STPG2: variants seen among roughly 807,000 people sequenced by gnomAD.
STPG2 encodes sperm tail PG-rich repeat containing 2.
Under a neutral mutation model 54.2 loss-of-function variants are expected in STPG2, and 56 were observed. The ratio of observed to expected loss-of-function variants is 1.03; its 90% CI spans 0.83 to 1.29. The LOEUF (loss-of-function observed/expected upper bound fraction) is 1.29. Among genes scored for constraint, STPG2 ranks in the 50% most tolerant of loss-of-function variants. The pLI, the probability that STPG2 is intolerant of heterozygous loss-of-function variation, is 0.00. For synonymous variants in STPG2, 200 were observed against 181.8 expected, an observed-to-expected ratio of 1.10 and a Z score of -0.81; for missense variants, 596 against 544.9, an observed-to-expected ratio of 1.09 and a Z score of -0.93.
At chr4:97,624,427 G>A (rs1734088689) in intron 10 of STPG2, among the ~76,000 whole-genome samples, 1 of 152,032 alleles carries the variant, frequency 6.6e-6, no homozygotes, top group Admixed American at 6.6e-5. Flanking sequence ...GTCTTCTTTT[G>A]AGAAGTATCT....
intron 4 of STPG2, among the ~76,000 whole-genome samples, chr4:97,536,657 T>C (rs1731538747): frequency 6.6e-6 from 1 of 152,166 alleles, no homozygotes; most frequent in Admixed American, 6.5e-5. Flanking sequence ...TTCAGAGACA[T>C]GTTAGAAAGG....
intron 9 of STPG2, among the ~76,000 whole-genome samples, chr4:97,717,944 T>C (rs1393339860): frequency 6.6e-6 from 1 of 152,114 alleles, no homozygotes; most frequent in Admixed American, 6.6e-5. Context: ...CAAATTCTCA[T>C]AATTAAATTT....
At chr4:97,875,649 T>A (rs1454531034) in intron 8 of STPG2, among the ~76,000 whole-genome samples, 2 of 151,948 alleles carry the variant, frequency 1.3e-5, no homozygotes, top group African/African-American at 2.4e-5. Flanking sequence ...CATAGCAAGG[T>A]CATAACAGTG....
chr4:97,706,203 C>T (rs904993675), intron 10 of STPG2, among the ~76,000 whole-genome samples: 3 of 152,168 alleles, frequency 2.0e-5, no homozygotes, highest in East Asian at 1.9e-4. Flanking sequence ...AAGCAGATAA[C>T]GGAGGACTAG....
In STPG2 at chr4:97,843,175, GT is replaced by G. The variant is rs1297628839; in HGVS notation, c.1045-2244del. 6.5e-4 allele frequency among the ~76,000 whole-genome samples: 96 copies of G among 147,946 alleles called. 1 individual carries two copies. The highest frequency in any genetic ancestry group is 3.5e-3 in the Middle Eastern group (1 of 288). ...AGACATTTCTCATGGTTTTTTGGTG[GT>G]TTTTTTTTTCTCTTTTTGGCTTATT... On this transcript the variant is annotated intron_variant, in intron 8 of 10. Transcript: ENST00000295268.
In STPG2 at chr4:98,001,319, T is replaced by C. The variant is rs142768381; in HGVS notation, c.613-20001A>G. Among the ~76,000 whole-genome samples the C allele has an allele frequency of 5.9e-5, 9 of 151,874 alleles. No homozygotes were observed. In the East Asian group the frequency reaches 1.7e-3, roughly 29 times the overall value. The stretch of plus-strand genomic sequence containing the variant: ...GGTTTCCTGTAATTACTATACCCTA[T>C]GTGGTACACTATCTAGTAGCAGTCA... On this transcript the variant is annotated intron_variant, in intron 5 of 10. Coordinates refer to ENST00000295268, the MANE Select transcript of STPG2 (RefSeq NM_174952.3).
chr4:97,646,353 C>T (rs79447048), intron 10 of STPG2, among the ~76,000 whole-genome samples: 3,805 of 152,136 alleles, frequency 0.025, 79 homozygotes, highest in Middle Eastern at 0.034. Context: ...AGTCTTATTA[C>T]GGTTGCAAAG....
chr4:97,523,853 T>C (rs1319153755), intron 4 of STPG2, among the ~76,000 whole-genome samples: 1 of 150,738 alleles, frequency 6.6e-6, no homozygotes, highest in Admixed American at 6.6e-5. Flanking sequence ...GCCAAATAAA[T>C]ATCTATTATT....
At chr4:97,720,487 C>T (rs545504553) in intron 9 of STPG2, among the ~76,000 whole-genome samples, 7 of 152,038 alleles carry the variant, frequency 4.6e-5, no homozygotes, top group African/African-American at 1.4e-4. Flanking sequence ...CATTAGATGT[C>T]TCAGCACCTC....
chr4:98,044,318 T>C (rs550492911), intron 5 of STPG2, among the ~76,000 whole-genome samples: 1 of 152,296 alleles, frequency 6.6e-6, no homozygotes, highest in Non-Finnish European at 1.5e-5. Flanking sequence ...TTTAGCATCC[T>C]TTCATCTCAA....
intron 9 of STPG2, among the ~76,000 whole-genome samples, chr4:97,724,478 C>T (rs529671499): frequency 2.6e-4 from 40 of 152,148 alleles, no homozygotes; most frequent in African/African-American, 5.5e-4. Flanking sequence ...GTTATTTTTA[C>T]GGTGAGTTGT....
chr4:97,455,202 T>C (rs1041026742), intron 4 of STPG2, among the ~76,000 whole-genome samples: 1 of 152,040 alleles, frequency 6.6e-6, no homozygotes, highest in African/African-American at 2.4e-5. Context: ...GGCAATGACA[T>C]TGATACAGGA....
chr4:98,037,421 G>A (rs932087700), intron 5 of STPG2, among the ~76,000 whole-genome samples: 1 of 151,982 alleles, frequency 6.6e-6, no homozygotes, highest in Non-Finnish European at 1.5e-5. Context: ...ACACACTAAT[G>A]AGTATTTTTT....
At chr4:97,964,415 A>T (rs1734012441) in intron 7 of STPG2, among the ~76,000 whole-genome samples, 1 of 152,226 alleles carries the variant, frequency 6.6e-6, no homozygotes, top group Non-Finnish European at 1.5e-5. Context: ...AGGAGGTGCA[A>T]GCAAAGGTGT....
intron 4 of STPG2, among the ~76,000 whole-genome samples, chr4:97,539,617 A>G (rs1731641188): frequency 6.6e-6 from 1 of 152,198 alleles, no homozygotes; most frequent in Non-Finnish European, 1.5e-5. Context: ...CCCCACTGTC[A>G]ACATTAGACA....
rs145286159 is a variant in STPG2, at chr4:98,038,494, C to T, written c.613-57176G>A. 5.4e-4 allele frequency among the ~76,000 whole-genome samples: 82 copies of T among 151,882 alleles called. 2 individuals carry two copies. The East Asian group carries it at 0.013, about 24-fold the overall frequency. ...AATCAGTGGAGAAAAGAGTATGTAA[C>T]GTAGGCATATTTTGGTAACTGCTTT... On this transcript the variant is annotated intron_variant, in intron 5 of 10. Transcript: ENST00000295268.
chr4:97,815,727 C>G (rs1337446857), intron 9 of STPG2, among the ~76,000 whole-genome samples: 1 of 152,058 alleles, frequency 6.6e-6, no homozygotes, highest in Non-Finnish European at 1.5e-5. Context: ...GATAGCTGCA[C>G]TATGTTAGGC....
rs904964312 is a variant in STPG2, at chr4:97,509,231, CT to C, written c.462+203467del. ...TTCCCAAAGGTGGAAAAGAATTTGACTTTTTTTTTTTCCCCAGAATTCTTAA... is the reference window on the plus strand; with the variant it reads ...TTCCCAAAGGTGGAAAAGAATTTGACTTTTTTTTTTCCCCAGAATTCTTAA... On this transcript the variant is annotated intron_variant, in intron 4 of 4. Transcript: ENST00000522676. Among the ~76,000 whole-genome samples, 1,012 of 146,996 alleles carry C rather than the reference CT, an allele frequency of 6.9e-3. 5 individuals are homozygous for C. Among genetic ancestry groups the C allele is most frequent in the South Asian group, 0.022 (102 of 4,670 alleles).
chr4:98,115,422 A>G (rs1218394148), intron 3 of STPG2, among the ~76,000 whole-genome samples: 1 of 152,016 alleles, frequency 6.6e-6, no homozygotes, highest in Admixed American at 6.6e-5. Context: ...GCTAAACTTT[A>G]TCATTCAAAA....
Sources: allele counts gnomAD v4.1 joint callset (sites outside exome capture counted in the v4.1 genomes callset), GRCh38; gene constraint gnomAD v4.1.1; transcripts MANE v1.5; gene names NCBI Gene and HGNC (gene_info 2026-07-23, HGNC 2026-07-21).